The following LIG1 variants were observed in gnomAD, a reference collection of about 807,000 sequenced individuals.
The protein encoded by LIG1 is ligase I, DNA, ATP-dependent.
A neutral mutation model predicts 115.7 loss-of-function variants in LIG1; 70 were observed. That is an observed-to-expected ratio of 0.60 (90% CI 0.50 to 0.74). The LOEUF (loss-of-function observed/expected upper bound fraction) is 0.74, where lower values mean the gene tolerates loss of function less well. LIG1 is among the 30% of genes least tolerant of loss of function. LIG1 has a pLI of 0.00. For synonymous variants in LIG1, 487 were observed against 495.3 expected (o/e 0.98, Z 0.22); for missense variants, 1,115 against 1,225.6 (o/e 0.91, Z 1.35).
chr19:48,157,001 C>T lies in LIG1; in HGVS notation c.370+13G>A, dbSNP rs1239509903. On this transcript the variant is annotated intron_variant, in intron 5 of 27. Transcript: ENST00000263274. ...GCAGGCGACTGAAGGGGCAGGGGCC[C>T]GTGTGTTCTCACCTGTGCGACGCTT... 11 of 1,567,594 alleles carry T rather than the reference C, an allele frequency of 7.0e-6. No individual in the cohort carries two copies. Among genetic ancestry groups the T allele is most frequent in the Admixed American group, 6.8e-5 (4 of 58,584 alleles).
chr19:48,143,505 C>CGCGGGGGGGGGGGGGGGGGGGG, intron 11 of LIG1, 38 bp downstream of exon 11: 2 of 850,466 alleles, frequency 2.4e-6, no homozygotes, highest in East Asian at 2.6e-5. Flanking sequence ...GACCCAGAAG[C>CGCGGGGGGGGGGGGGGGGGGGG]GACCCCGCCC....
chr19:48,162,409 A>T, intron 2 of LIG1, 58 bp from the exon 3 acceptor site: 1 of 1,197,556 alleles, frequency 8.4e-7, no homozygotes, highest in Non-Finnish European at 1.2e-6. Context: ...TACCCTGCCT[A>T]TCTATGCTGT....
intron 9 of LIG1, among the ~76,000 whole-genome samples, chr19:48,144,558 G>A (rs1175288337): frequency 6.6e-6 from 1 of 152,134 alleles, no homozygotes; most frequent in Non-Finnish European, 1.5e-5. Flanking sequence ...CTGGAGTGCA[G>A]TGGCATGATC....
At chr19:48,135,892 C>CGCCCA in intron 15 of LIG1, 113 bp from the exon 16 acceptor site, 2 of 906,288 alleles carry the variant, frequency 2.2e-6, no homozygotes, top group Non-Finnish European at 3.5e-6. Context: ...GCCCAAGACG[C>CGCCCA]CCCCTCCCCC....
chr19:48,131,188 A>G lies in LIG1; in HGVS notation c.1726-17T>C. ...GGCGTGGATCTGTCACGATGGGAGA[A>G]GGGAGGGGAAATCAGCTGAGTCCCC... On this transcript the variant is annotated splice_polypyrimidine_tract_variant and intron_variant, in intron 18 of 27. Transcript: ENST00000263274. The G allele has an allele frequency of 6.2e-7, 1 of 1,603,698 alleles. No individual in the cohort carries two copies. The highest frequency in any genetic ancestry group is 8.5e-7 in the Non-Finnish European group (1 of 1,170,718).
rs1297746820 is a variant in LIG1, at chr19:48,135,661, C to T, written c.1523+19G>A. On this transcript the variant is annotated intron_variant, in intron 16 of 27. Coordinates refer to ENST00000263274, the MANE Select transcript of LIG1 (RefSeq NM_000234.3). ...CTGCCCACAGCCCCTGGCAACTCCA[C>T]CCACTGCCCAGCTCTCACCAGAACG... 6.2e-7 allele frequency: 1 copy of T among 1,603,846 alleles called. No individual in the cohort carries two copies.
chr19:48,143,381 C>G (rs1307720032), intron 11 of LIG1, among the ~76,000 whole-genome samples, 162 bp downstream of exon 11: 1 of 152,180 alleles, frequency 6.6e-6, no homozygotes, highest in East Asian at 1.9e-4. Context: ...AGAGGACCTG[C>G]AGCCGCTTTT....
chr19:48,123,774 G>A (rs2033467770), intron 21 of LIG1, among the ~76,000 whole-genome samples: 1 of 151,442 alleles, frequency 6.6e-6, no homozygotes, highest in Non-Finnish European at 1.5e-5. Flanking sequence ...CACATCACAA[G>A]AGATCCACCC....
At position 48,167,825 on chromosome 19, in the gene LIG1, TAAAAAA is replaced by T. The variant is rs776208781; in HGVS notation, c.-57-2208_-57-2203del. Among the ~76,000 whole-genome samples, 3 of 113,776 alleles carry T rather than the reference TAAAAAA, an allele frequency of 2.6e-5. No individual in the cohort carries two copies. The East Asian group carries it at 6.8e-4, about 26-fold the overall frequency. The allele number at this position is 113,776 out of a possible 152,430, so 74.6% of individuals were successfully genotyped here. On this transcript the variant is annotated intron_variant, in intron 1 of 27. Coordinates refer to ENST00000263274, the MANE Select transcript of LIG1 (RefSeq NM_000234.3). ...TGGGCGACAGAGCGAGACCCCGTCTTAAAAAAAAAAAAAAAAAAAAAAAAACAAACA... is the reference window on the plus strand; with the variant it reads ...TGGGCGACAGAGCGAGACCCCGTCTTAAAAAAAAAAAAAAAAAAACAAACA...
intron 26 of LIG1, among the ~76,000 whole-genome samples, chr19:48,116,755 T>G (rs2032868919): frequency 6.6e-6 from 1 of 152,204 alleles, no homozygotes; most frequent in South Asian, 2.1e-4. Context: ...CAGCAAGGGC[T>G]GGATACACAC....
At chr19:48,161,142 T>C (rs1021418228) in intron 4 of LIG1, 5 of 600,192 alleles carry the variant, frequency 8.3e-6, no homozygotes, top group African/African-American at 7.4e-5. Flanking sequence ...AGGAGCTGCA[T>C]GTTACAGTTG....
chr19:48,143,892 G>C lies in LIG1; in HGVS notation c.848C>G (p.Pro283Arg), dbSNP rs574879811. ...YHPVEDACWK[P>R]GQKVPYLAVA... is the part of the protein sequence containing the mutation. ...AAGGGAGAAACCTCACTTCTGGCCC[G>C]GTTTCCAGCAGGCATCTTCCACGGG... Residue 283 changes from proline (P) to arginine (R), a missense_variant, in exon 10 of 28, where the codon CCG becomes CGG. Coordinates refer to ENST00000263274, the MANE Select transcript of LIG1 (RefSeq NM_000234.3). The C allele has an allele frequency of 6.2e-7, 1 of 1,613,468 alleles. No homozygotes were observed. Among genetic ancestry groups the C allele is most frequent in the South Asian group, 1.1e-5 (1 of 91,066 alleles).
rs2035667726 is a variant in LIG1, at chr19:48,153,861, T to A, written c.466+11A>T. On this transcript the variant is annotated intron_variant, in intron 6 of 27. Coordinates refer to ENST00000263274, the MANE Select transcript of LIG1 (RefSeq NM_000234.3). ...ACACACACACACACTTCTCTCCTTC[T>A]GGGGGCTCACCTTCCTCCTCCTTCT... 6.5e-7 allele frequency: 1 copy of A among 1,527,964 alleles called. No homozygotes were observed. Among genetic ancestry groups the A allele is most frequent in the Non-Finnish European group, 8.9e-7 (1 of 1,129,076 alleles). 94.7% of individuals were successfully genotyped at this position (1,527,964 alleles called of 1,614,324 possible).
chr19:48,148,668 G>A (rs1002955338), intron 9 of LIG1, among the ~76,000 whole-genome samples: 1 of 148,402 alleles, frequency 6.7e-6, no homozygotes, highest in Non-Finnish European at 1.5e-5. Flanking sequence ...TGGCAGAGAT[G>A]GGGGGGTGAC....
chr19:48,162,281 C>T lies in LIG1; in HGVS notation c.88G>A (p.Glu30Lys). 2 of 1,614,022 alleles carry T rather than the reference C, an allele frequency of 1.2e-6. No individual in the cohort carries two copies. Among genetic ancestry groups the T allele is most frequent in the Non-Finnish European group, 8.5e-7 (1 of 1,179,916 alleles). ...PEKEASNSSR[E>K]TEPPPKAALK... ...ACATACTTTGGAGGGGGCTCCGTCT[C>T]TCTGCTGCTATTGGATGCCTCCTTC... The change falls in exon 3 of 28, where the codon GAG (glutamate) becomes AAG (lysine). Residue 30 changes from glutamate (E) to lysine (K), a missense_variant. Glu to Lys is a moderately conservative substitution (Grantham distance 56). Coordinates refer to ENST00000263274, the MANE Select transcript of LIG1 (RefSeq NM_000234.3).
chr19:48,145,592 C>T (rs1203659056), intron 9 of LIG1, among the ~76,000 whole-genome samples: 1 of 152,138 alleles, frequency 6.6e-6, no homozygotes, highest in Admixed American at 6.5e-5. Flanking sequence ...AGTGCCACTG[C>T]AGGGCTGTGC....
chr19:48,120,906 T>A, intron 24 of LIG1: 1 of 1,287,816 alleles, frequency 7.8e-7, no homozygotes, highest in African/African-American at 1.5e-5. Flanking sequence ...AAAAAATTCT[T>A]TTCTTATGTG....
intron 18 of LIG1, 81 bp downstream of exon 18, chr19:48,132,901 A>C: frequency 9.7e-7 from 1 of 1,033,638 alleles, no homozygotes; most frequent in African/African-American, 1.6e-5. Context: ...GGCCGGCTTG[A>C]AGCTCAGGCC....
At position 48,161,480 on chromosome 19, in the gene LIG1, C is replaced by T. The variant is rs2036173959; in HGVS notation, c.135G>A (p.Val45=). 1.2e-6 allele frequency: 2 copies of T among 1,614,044 alleles called. No individual in the cohort carries two copies. Among genetic ancestry groups the T allele is most frequent in the Non-Finnish European group, 1.7e-6 (2 of 1,180,040 alleles). Residue 45 remains valine, a synonymous_variant, in exon 4 of 28, where the codon GTG becomes GTA. Coordinates refer to ENST00000263274, the MANE Select transcript of LIG1 (RefSeq NM_000234.3). The stretch of plus-strand genomic sequence containing the variant: ...TCACCGGAGAGTCACTCTCGGACAC[C>T]ACTCCATTCCACTCCTTCAGTGCCG... ...PKAALKEWNG[V]VSESDSPVKR...
Sources: gnomAD v4.1 joint callset for allele counts (sites outside exome capture counted in the v4.1 genomes callset) on GRCh38, gnomAD v4.1.1 for gene constraint, MANE v1.5 for transcripts, NCBI Gene and HGNC (gene_info 2026-07-23, HGNC 2026-07-21) for gene names.